HDAC9: variants seen among roughly 807,000 people sequenced by gnomAD.
HDAC9 encodes the protein MEF-2 interacting transcription repressor (MITR) protein.
A neutral mutation model predicts 139.4 loss-of-function variants in HDAC9; 41 were observed. That is an observed-to-expected ratio of 0.29 (90% CI 0.23 to 0.38). The LOEUF (loss-of-function observed/expected upper bound fraction) is 0.38. HDAC9 is among the 10% of genes least tolerant of loss of function. HDAC9 has a pLI of 1.00. For synonymous variants in HDAC9, 517 were observed against 476.2 expected (o/e 1.09, Z -1.12); for missense variants, 1,147 against 1,297.0 (o/e 0.88, Z 1.78).
At chr7:18,791,029 A>T (rs751218918) in intron 16 of HDAC9, among the ~76,000 whole-genome samples, 22 of 152,216 alleles carry the variant, frequency 1.4e-4, no homozygotes, top group Non-Finnish European at 2.8e-4. Context: ...TTTGGCAGAT[A>T]GAAAGGTATG....
intron 23 of HDAC9, among the ~76,000 whole-genome samples, chr7:18,950,139 A>G (rs1191260345): frequency 6.6e-6 from 1 of 152,032 alleles, no homozygotes; most frequent in Non-Finnish European, 1.5e-5. Context: ...GCCTTTCAAA[A>G]TTTCATTCCA....
intron 2 of HDAC9, among the ~76,000 whole-genome samples, chr7:18,208,742 A>T (rs181943435): frequency 2.0e-4 from 30 of 152,258 alleles, no homozygotes; most frequent in African/African-American, 5.8e-4. Context: ...TTAAAAAAAA[A>T]TTTTATCTAG....
At chr7:18,675,489 G>T (rs1037840494) in intron 12 of HDAC9, among the ~76,000 whole-genome samples, 1 of 151,914 alleles carries the variant, frequency 6.6e-6, no homozygotes, top group Non-Finnish European at 1.5e-5. Flanking sequence ...TAGCATAATG[G>T]GTACACAGTA....
intron 1 of HDAC9, among the ~76,000 whole-genome samples, chr7:18,348,173 C>T (rs903083016): frequency 5.3e-5 from 8 of 152,180 alleles, no homozygotes; most frequent in Non-Finnish European, 1.0e-4. Flanking sequence ...CACAAGCACC[C>T]CAGGTAATTC....
At chr7:18,936,514 A>G (rs77530453) in intron 23 of HDAC9, among the ~76,000 whole-genome samples, 3,092 of 152,316 alleles carry the variant, frequency 0.02, 110 homozygotes, top group African/African-American at 0.071. Context: ...ACATGGCTAC[A>G]TTGCAACATA....
intron 21 of HDAC9, among the ~76,000 whole-genome samples, chr7:18,854,061 T>G (rs896408169): frequency 3.3e-5 from 5 of 152,190 alleles, no homozygotes; most frequent in African/African-American, 9.6e-5. Flanking sequence ...AGACATCTAT[T>G]TTTGAAATAC....
intron 12 of HDAC9, among the ~76,000 whole-genome samples, chr7:18,702,784 C>T (rs1783609754): frequency 6.6e-6 from 1 of 152,168 alleles, no homozygotes; most frequent in Admixed American, 6.5e-5. Context: ...AAATCTCTGC[C>T]CACACTTTAC....
At chr7:18,443,414 G>A (rs1791973613) in intron 1 of HDAC9, among the ~76,000 whole-genome samples, 1 of 152,108 alleles carries the variant, frequency 6.6e-6, no homozygotes, top group African/African-American at 2.4e-5. Flanking sequence ...AACTGGGTGT[G>A]TTCTAGGAAG....
intron 10 of HDAC9, among the ~76,000 whole-genome samples, 199 bp downstream of exon 10, chr7:18,648,197 A>G (rs1562742730): frequency 1.3e-5 from 2 of 152,072 alleles, no homozygotes; most frequent in Non-Finnish European, 2.9e-5. Flanking sequence ...GACTCACCTC[A>G]TTTAACCTTT....
intron 13 of HDAC9, among the ~76,000 whole-genome samples, chr7:18,732,984 TG>T (rs761117587): frequency 2.1e-5 from 3 of 145,438 alleles, no homozygotes; most frequent in Non-Finnish European, 4.5e-5. Context: ...CACATGTGTA[TG>T]TGTGTGTATG....
At chr7:18,321,374 A>G (rs914923141) in intron 1 of HDAC9, among the ~76,000 whole-genome samples, 20 of 152,244 alleles carry the variant, frequency 1.3e-4, no homozygotes, top group African/African-American at 3.9e-4. Flanking sequence ...AATACTTACC[A>G]TATTCCATGT....
intron 8 of HDAC9, among the ~76,000 whole-genome samples, chr7:18,637,977 T>C (rs908566658): frequency 6.6e-6 from 1 of 152,126 alleles, no homozygotes; most frequent in African/African-American, 2.4e-5. Flanking sequence ...TTTAGGATGA[T>C]TTTTACAGAT....
chr7:18,612,783 A>T (rs1041616187), intron 6 of HDAC9, among the ~76,000 whole-genome samples: 5 of 152,092 alleles, frequency 3.3e-5, no homozygotes, highest in African/African-American at 1.2e-4. Flanking sequence ...GAGAATGGAG[A>T]AGCTGCCACA....
intron 2 of HDAC9, among the ~76,000 whole-genome samples, chr7:18,574,745 G>A (rs147312078): frequency 1.6e-3 from 237 of 152,366 alleles, no homozygotes; most frequent in African/African-American, 5.5e-3. Context: ...CCCTGAGCAT[G>A]CACATACCCA....
intron 14 of HDAC9, among the ~76,000 whole-genome samples, chr7:18,753,940 A>C (rs1328526478): frequency 6.6e-6 from 1 of 152,140 alleles, no homozygotes; most frequent in Non-Finnish European, 1.5e-5. Flanking sequence ...GGTTAAGAGT[A>C]GACTAAATTT....
intron 1 of HDAC9, among the ~76,000 whole-genome samples, chr7:18,356,890 G>A (rs928786930): frequency 1.3e-5 from 2 of 152,132 alleles, no homozygotes; most frequent in Non-Finnish European, 2.9e-5. Context: ...AAGCATCCTG[G>A]TGTGTTTTTT....
rs1053403542 is a variant in HDAC9 at position 18,823,151 on chromosome 7, C to T, written c.2323-6010C>T. Reference sequence around the variant, plus strand: ...TAAGTGCACATGCCAATTAACTGTTCTCACATAGGATCAGGGATGGTGGGG... The same window carrying T: ...TAAGTGCACATGCCAATTAACTGTTTTCACATAGGATCAGGGATGGTGGGG... On this transcript the variant is annotated intron_variant, in intron 17 of 25. Coordinates refer to ENST00000686413, the MANE Select transcript of HDAC9 (RefSeq NM_178425.4). 5.9e-5 allele frequency among the ~76,000 whole-genome samples: 9 copies of T among 152,098 alleles called. 1 individual carries two copies. The highest frequency in any genetic ancestry group is 3.9e-4 in the Admixed American group (6 of 15,262).
chr7:18,674,193 A>G (rs1562841075), intron 12 of HDAC9, among the ~76,000 whole-genome samples: 1 of 152,060 alleles, frequency 6.6e-6, no homozygotes, highest in Non-Finnish European at 1.5e-5. Flanking sequence ...TTCTCCAGCT[A>G]CTAGTGAACA....
At chr7:18,412,120 G>A (rs554010815) in intron 1 of HDAC9, among the ~76,000 whole-genome samples, 20 of 152,016 alleles carry the variant, frequency 1.3e-4, no homozygotes, top group Non-Finnish European at 2.2e-4. Context: ...GAGCCACTGC[G>A]CCCAGCCTCA....
Sources: allele counts gnomAD v4.1 joint callset (sites outside exome capture counted in the v4.1 genomes callset), GRCh38; gene constraint gnomAD v4.1.1; transcripts MANE v1.5; gene names NCBI Gene and HGNC (gene_info 2026-07-23, HGNC 2026-07-21).